Variants in ZNF777 observed in about 807,000 individuals in gnomAD.
ZNF777 encodes the protein zinc finger protein 777.
In ZNF777, 7 loss-of-function variants were observed where a neutral mutation model predicts 72.1. The observed-to-expected ratio is 0.10, with a 90% CI of 0.06 to 0.18. ZNF777 has a LOEUF of 0.18. ZNF777 is among the 10% of genes least tolerant of loss of function. The probability of loss-of-function intolerance (pLI) is 1.00; values close to 1 mark genes in which losing one functional copy is unlikely to be tolerated. For missense variants in ZNF777, 828 were observed against 1,128.6 expected (o/e 0.73, Z 3.82); for synonymous variants, 545 against 483.5 (o/e 1.13, Z -1.67).
rs761457375 is a variant in ZNF777 at position 149,455,204 on chromosome 7, G to T, written c.819C>A (p.Pro273=). ...TGGGAACTTCTCCATTGCTGCCGGGGGGCAGCCGCAGGATCCAGAAATTTC... is the reference window on the plus strand; with the variant it reads ...TGGGAACTTCTCCATTGCTGCCGGGTGGCAGCCGCAGGATCCAGAAATTTC... ...KNRNFWILRL[P]PGSNGEVPKV... The change falls in exon 2 of 6, where the codon CCC becomes CCA. Residue 273 remains proline (P), a synonymous_variant. Transcript: ENST00000247930. This position sits in a 1 kb window ranked among gnomAD's most constrained non-coding sequence, Gnocchi z 4.2. 3 of 1,613,492 alleles carry T rather than the reference G, an allele frequency of 1.9e-6. No homozygotes were observed. The highest frequency in any genetic ancestry group is 2.5e-6 in the Non-Finnish European group (3 of 1,179,810).
Position 149,460,638 on chromosome 7 carries a change from G to A in ZNF777, c.-16+177C>T, listed in dbSNP as rs1452722764. On this transcript the variant is annotated intron_variant, in intron 1 of 5. Coordinates refer to ENST00000247930, the MANE Select transcript of ZNF777 (RefSeq NM_015694.3). This position sits in a 1 kb window ranked among gnomAD's most constrained non-coding sequence, Gnocchi z 6.1. ...CAGGCCGTTTAAAGAGAAACACTCC[G>A]AGGCTCGTCGGAGGCTGCCGGAACC... Among the ~76,000 whole-genome samples, 1 of 152,064 alleles carries A rather than the reference G, an allele frequency of 6.6e-6. No homozygotes were observed. Among genetic ancestry groups the A allele is most frequent in the Admixed American group, 6.5e-5 (1 of 15,272 alleles).
chr7:149,453,034 ACTCT>A (rs1799754178), intron 3 of ZNF777, among the ~76,000 whole-genome samples: 2 of 152,088 alleles, frequency 1.3e-5, no homozygotes, highest in South Asian at 2.1e-4. Flanking sequence ...GACATGGAAC[ACTCT>A]CTATCCCCCT....
intron 1 of ZNF777, chr7:149,459,882 T>C (rs973702777): frequency 1.0e-6 from 1 of 980,934 alleles, no homozygotes; most frequent in Non-Finnish European, 1.2e-6. Flanking sequence ...GGGCCGCGTG[T>C]GTGCCGGGCC....
chr7:149,433,875 GT>G (rs1799367842), intron 5 of ZNF777, among the ~76,000 whole-genome samples: 2 of 152,200 alleles, frequency 1.3e-5, no homozygotes, highest in Admixed American at 1.3e-4. Context: ...CAAGTGCCTT[GT>G]ACTTATTTGG....
At position 149,431,923 on chromosome 7, in the gene ZNF777, G is replaced by T; in HGVS notation, c.2349C>A (p.Cys783Ter). Residue 783 changes from cysteine (C) to a stop codon, truncating the protein, a stop_gained, in exon 6 of 6, where the codon TGC becomes TGA. Transcript: ENST00000247930. LOFTEE classifies it high-confidence loss of function. ...TGERPYHCAE[C>*]GKRFTQKHHL... Reference sequence around the variant, plus strand: ...GATGCTTCTGCGTGAAGCGCTTGCCGCACTCGGCGCAGTGGTAGGGCCGCT... The same window carrying T: ...GATGCTTCTGCGTGAAGCGCTTGCCTCACTCGGCGCAGTGGTAGGGCCGCT... 1 of 1,609,844 alleles carries T rather than the reference G, an allele frequency of 6.2e-7. No homozygotes were observed.
chr7:149,455,550 G>C lies in ZNF777; in HGVS notation c.473C>G (p.Pro158Arg). 6.2e-7 allele frequency: 1 copy of C among 1,613,820 alleles called. No individual in the cohort carries two copies. Among genetic ancestry groups the C allele is most frequent in the Non-Finnish European group, 8.5e-7 (1 of 1,179,962 alleles). ...GAAAGGGGTGTCCTTTTGGGAAACCGGGCTCTGGAGCAGCGGGTCCATGTC... is the reference window on the plus strand; with the variant it reads ...GAAAGGGGTGTCCTTTTGGGAAACCCGGCTCTGGAGCAGCGGGTCCATGTC... ...ETDMDPLLQS[P>R]VSQKDTPFQI... The change falls in exon 2 of 6, where the codon CCG (proline) becomes CGG (arginine). Residue 158 changes from proline (P) to arginine (R), a missense_variant. Around this residue, in one of 12 missense-constraint regions of ZNF777, gnomAD observed 222 missense variants for 211.2 expected, o/e 1.05. Transcript: ENST00000247930. This position sits in a 1 kb window ranked among gnomAD's most constrained non-coding sequence, Gnocchi z 4.2.
At position 149,432,427 on chromosome 7, in the gene ZNF777, G is replaced by T. The variant is rs760481076; in HGVS notation, c.1845C>A (p.His615Gln). 1 of 1,613,446 alleles carries T rather than the reference G, an allele frequency of 6.2e-7. No individual in the cohort carries two copies. Among genetic ancestry groups the T allele is most frequent in the Non-Finnish European group, 8.5e-7 (1 of 1,179,936 alleles). ...GTGACTTGGGACGCGGCTTGAGCGC[G>T]TGCTTGGGGTTGAACGTGGGCCCGC... ...PERGPTFNPKHALKPRPKSPS... is the reference protein window; with the variant it reads ...PERGPTFNPKQALKPRPKSPS... Residue 615 changes from histidine to glutamine, a missense_variant, in exon 6 of 6, where the codon CAC (histidine) becomes CAA (glutamine). This residue lies in a region of ZNF777 where 100 missense variants were observed against 106.2 expected (regional missense o/e 0.94). Coordinates refer to ENST00000247930, the MANE Select transcript of ZNF777 (RefSeq NM_015694.3).
In ZNF777 at chr7:149,436,464, C is replaced by A. The variant is rs1799411851; in HGVS notation, c.1339+111G>T. ...TGGTAATTCTTTCCCACCTGTTGCC[C>A]CATCAGTGTCCAGCTACCTCTCTGA... On this transcript the variant is annotated intron_variant, in intron 5 of 5. Coordinates refer to ENST00000247930, the MANE Select transcript of ZNF777 (RefSeq NM_015694.3). The surrounding 1 kb of genome is among the most constrained non-coding windows in gnomAD (Gnocchi z 5.0). 4 of 1,299,074 alleles carry A rather than the reference C, an allele frequency of 3.1e-6. No homozygotes were observed. The highest frequency in any genetic ancestry group is 4.2e-6 in the Non-Finnish European group (4 of 951,346). The allele number at this position is 1,299,074 out of a possible 1,614,324, so 80.5% of individuals were successfully genotyped here. A position where few individuals can be genotyped will look rare whatever the true frequency, so the allele number is the denominator to read the frequency against.
In ZNF777 at chr7:149,460,401, C is replaced by T. The variant is rs1057380348; in HGVS notation, c.-16+414G>A. Among the ~76,000 whole-genome samples, 17 of 145,940 alleles carry T rather than the reference C, an allele frequency of 1.2e-4. No homozygotes were observed. The highest frequency in any genetic ancestry group is 3.7e-4 in the African/African-American group (15 of 40,768). Reference sequence around the variant, plus strand: ...TGGGCGCGCGGCTGTGCGGGCGGCCCGGCCGGCTGCGTCCCGGCGGCGAGC... The same window carrying T: ...TGGGCGCGCGGCTGTGCGGGCGGCCTGGCCGGCTGCGTCCCGGCGGCGAGC... On this transcript the variant is annotated intron_variant, in intron 1 of 5. Coordinates refer to ENST00000247930, the MANE Select transcript of ZNF777 (RefSeq NM_015694.3). This position sits in a 1 kb window ranked among gnomAD's most constrained non-coding sequence, Gnocchi z 6.1.
intron 4 of ZNF777, among the ~76,000 whole-genome samples, chr7:149,439,112 T>C (rs1460336573): frequency 6.6e-6 from 1 of 152,026 alleles, no homozygotes; most frequent in African/African-American, 2.4e-5. Flanking sequence ...AAGTAATGTC[T>C]CTCTTCCCTC....
At chr7:149,458,209 G>T (rs192802250) in intron 1 of ZNF777, among the ~76,000 whole-genome samples, 2 of 152,192 alleles carry the variant, frequency 1.3e-5, no homozygotes, top group African/African-American at 4.8e-5. Context: ...CACATACACA[G>T]AATTTTGCAG....
intron 5 of ZNF777, 145 bp from the exon 6 acceptor site, chr7:149,433,077 G>T: frequency 7.7e-7 from 1 of 1,293,878 alleles, no homozygotes. Flanking sequence ...TCCCCTCATT[G>T]CGTCCCCTGG....
chr7:149,445,317 G>GT (rs978524351), intron 4 of ZNF777, among the ~76,000 whole-genome samples: 4 of 152,228 alleles, frequency 2.6e-5, no homozygotes, highest in Middle Eastern at 3.4e-3. Flanking sequence ...TCCTCTAAAT[G>GT]TATTTTTTCT....
chr7:149,432,358 G>T lies in ZNF777; in HGVS notation c.1914C>A (p.Cys638Ter). ...GGCTGAAGCTGCTGTCGCACTCGGGGCACTTGTAGGGCTTAGGGCCACCGC... is the reference window on the plus strand; with the variant it reads ...GGCTGAAGCTGCTGTCGCACTCGGGTCACTTGTAGGGCTTAGGGCCACCGC... ...SGGGGPKPYK[C>*]PECDSSFSHK... The change falls in exon 6 of 6, where the codon TGC becomes TGA. Residue 638 changes from cysteine (C) to a stop codon, truncating the protein, a stop_gained. Coordinates refer to ENST00000247930, the MANE Select transcript of ZNF777 (RefSeq NM_015694.3). LOFTEE classifies it high-confidence loss of function. 1 of 1,612,466 alleles carries T rather than the reference G, an allele frequency of 6.2e-7. No homozygotes were observed.
chr7:149,448,579 C>CTATATATATATATATA lies in ZNF777; in HGVS notation c.1087+2404_1087+2419dup, dbSNP rs57860880. Among the ~76,000 whole-genome samples, 92 of 115,008 alleles carry CTATATATATATATATA rather than the reference C, an allele frequency of 8.0e-4. 1 individual carries two copies. The highest frequency in any genetic ancestry group is 1.2e-3 in the South Asian group (4 of 3,434). The allele number at this position is 115,008 out of a possible 152,430, so 75.4% of individuals were successfully genotyped here. ...TATAGTTATATAGTTATACATATAACTATATATATATATATATATATATAT... is the reference window on the plus strand; with the variant it reads ...TATAGTTATATAGTTATACATATAACTATATATATATATATATATATATATATATATATATATATAT... On this transcript the variant is annotated intron_variant, in intron 4 of 5. Coordinates refer to ENST00000247930, the MANE Select transcript of ZNF777 (RefSeq NM_015694.3).
At chr7:149,450,442 C>T (rs932422028) in intron 4 of ZNF777, among the ~76,000 whole-genome samples, 1 of 152,194 alleles carries the variant, frequency 6.6e-6, no homozygotes, top group African/African-American at 2.4e-5. Flanking sequence ...ACTGAAATCC[C>T]ACCCCCAGTA....
In ZNF777 at chr7:149,455,818, C is replaced by T. The variant is rs1799817717; in HGVS notation, c.205G>A (p.Gly69Ser). The change falls in exon 2 of 6, where the codon GGC becomes AGC. Residue 69 changes from glycine (G) to serine (S), a missense_variant. Coordinates refer to ENST00000247930, the MANE Select transcript of ZNF777 (RefSeq NM_015694.3). This position sits in a 1 kb window ranked among gnomAD's most constrained non-coding sequence, Gnocchi z 4.2. ...TTCTGGAGCACATGTGGCATCCGGC[C>T]AGAAGTCTCTTGCTTGGGAGCACTG... ...TSSAPKQETS[G>S]RMPHVLQKGP... is the part of the protein sequence containing the mutation. 1.9e-6 allele frequency: 3 copies of T among 1,612,838 alleles called. No individual in the cohort carries two copies. Among genetic ancestry groups the T allele is most frequent in the Non-Finnish European group, 2.5e-6 (3 of 1,179,244 alleles).
intron 4 of ZNF777, among the ~76,000 whole-genome samples, chr7:149,443,197 G>C (rs1291570293): frequency 1.3e-5 from 2 of 151,770 alleles, no homozygotes; most frequent in Non-Finnish European, 2.9e-5. Context: ...GAATACTACT[G>C]TCAGCTATGA....
Position 149,436,902 on chromosome 7 carries a change from C to G in ZNF777, c.1088-76G>C. On this transcript the variant is annotated intron_variant, in intron 4 of 5. Transcript: ENST00000247930. The surrounding 1 kb of genome is among the most constrained non-coding windows in gnomAD (Gnocchi z 5.0). ...ATGCCAACTGCCCAGGTTTCTGCAGCCCTACAATTTACATCTCAATAAGTC... is the reference window on the plus strand; with the variant it reads ...ATGCCAACTGCCCAGGTTTCTGCAGGCCTACAATTTACATCTCAATAAGTC... 6.6e-7 allele frequency: 1 copy of G among 1,526,272 alleles called. No homozygotes were observed. Among genetic ancestry groups the G allele is most frequent in the Non-Finnish European group, 8.9e-7 (1 of 1,125,578 alleles). 94.5% of individuals were successfully genotyped at this position (1,526,272 alleles called of 1,614,324 possible).
Sources: gnomAD v4.1 joint callset for allele counts (sites outside exome capture counted in the v4.1 genomes callset) on GRCh38, gnomAD v4.1.1 for gene constraint, gnomAD v4.1.1 regional missense constraint, Gnocchi (gnomAD v3.1) non-coding constraint, MANE v1.5 for transcripts, NCBI Gene and HGNC (gene_info 2026-07-23, HGNC 2026-07-21) for gene names.